ALX4: variants seen among roughly 807,000 people sequenced by gnomAD.
ALX4 encodes ALX homeobox 4.
A neutral mutation model predicts 40.6 loss-of-function variants in ALX4; 22 were observed. That is an observed-to-expected ratio of 0.54 (90% CI 0.39 to 0.77). The LOEUF is 0.77. Among genes scored for constraint, ALX4 ranks in the 30% least tolerant of loss-of-function variants. The pLI is 0.00. For missense variants in ALX4, 556 were observed against 564.8 expected, an observed-to-expected ratio of 0.98 and a Z score of 0.16; for synonymous variants, 266 against 240.5, an observed-to-expected ratio of 1.11 and a Z score of -0.98.
intron 1 of ALX4, among the ~76,000 whole-genome samples, chr11:44,279,676 C>T (rs141609497): frequency 1.3e-3 from 199 of 152,318 alleles, no homozygotes; most frequent in African/African-American, 4.5e-3. Flanking sequence ...TCCAGCTGAC[C>T]TCCAAGATCC....
intron 1 of ALX4, among the ~76,000 whole-genome samples, chr11:44,284,466 A>G (rs1452832144): frequency 6.6e-6 from 1 of 152,204 alleles, no homozygotes; most frequent in Non-Finnish European, 1.5e-5. Flanking sequence ...CACAAGAAAT[A>G]CTTTTATCCT....
intron 1 of ALX4, among the ~76,000 whole-genome samples, chr11:44,289,893 G>A (rs988586311): frequency 1.3e-5 from 2 of 152,040 alleles, no homozygotes; most frequent in Non-Finnish European, 2.9e-5. Flanking sequence ...CCCTGTCCCC[G>A]GCAGGACCCA....
chr11:44,281,690 C>T (rs1379223476), intron 1 of ALX4, among the ~76,000 whole-genome samples: 2 of 151,928 alleles, frequency 1.3e-5, no homozygotes, highest in Non-Finnish European at 1.5e-5. Context: ...GGGGTGAGGG[C>T]GGAGGTTAAA....
intron 1 of ALX4, among the ~76,000 whole-genome samples, chr11:44,278,886 C>T (rs143919429): frequency 1.6e-3 from 251 of 152,246 alleles, no homozygotes; most frequent in African/African-American, 5.7e-3. Flanking sequence ...TTCAGGGGAG[C>T]GCTGCTCCTG....
At chr11:44,293,287 T>G (rs1956383407) in intron 1 of ALX4, among the ~76,000 whole-genome samples, 2 of 152,096 alleles carry the variant, frequency 1.3e-5, no homozygotes, top group Admixed American at 1.3e-4. Context: ...TTCTTTAAAA[T>G]GCATGATGTG....
chr11:44,266,464 G>A (rs1024989447), intron 3 of ALX4, among the ~76,000 whole-genome samples: 3 of 152,222 alleles, frequency 2.0e-5, no homozygotes, highest in Non-Finnish European at 2.9e-5. Context: ...CCAGGCCTGT[G>A]CCCTGCCCTC....
At chr11:44,289,570 A>G (rs747928392) in intron 1 of ALX4, among the ~76,000 whole-genome samples, 3 of 152,176 alleles carry the variant, frequency 2.0e-5, no homozygotes, top group Non-Finnish European at 2.9e-5. Context: ...CAAGGTGGTG[A>G]TGAGTTATCT....
chr11:44,284,824 T>C (rs777082164), intron 1 of ALX4, among the ~76,000 whole-genome samples: 1 of 152,210 alleles, frequency 6.6e-6, no homozygotes, highest in Non-Finnish European at 1.5e-5. Flanking sequence ...TTTTGTGACT[T>C]TTCTTTCGCA....
chr11:44,287,375 G>T (rs930230067), intron 1 of ALX4, among the ~76,000 whole-genome samples: 1 of 152,082 alleles, frequency 6.6e-6, no homozygotes, highest in African/African-American at 2.4e-5. Context: ...TATGCCACCA[G>T]TAGGGTTCCA....
At chr11:44,298,846 C>T (rs1956418784) in intron 1 of ALX4, among the ~76,000 whole-genome samples, 1 of 152,014 alleles carries the variant, frequency 6.6e-6, no homozygotes, top group Admixed American at 6.6e-5. Flanking sequence ...AACGACAAAG[C>T]AGGCTCTCAC....
chr11:44,310,019 G>C lies in ALX4; in HGVS notation c.44C>G (p.Ala15Gly), dbSNP rs766486576. Residue 15 changes from alanine to glycine, a missense_variant, in exon 1 of 4, where the codon GCT becomes GGT. Coordinates refer to ENST00000652299, the MANE Select transcript of ALX4 (RefSeq NM_021926.4). ...TCVSYCESPA[A>G]AMDAYYSPVS... ...CGGGCTGTAGTAGGCGTCCATGGCA[G>C]CGGCCGGCGACTCGCAGTAAGAGAC... 2 of 1,602,962 alleles carry C rather than the reference G, an allele frequency of 1.2e-6. No homozygotes were observed. Among genetic ancestry groups the C allele is most frequent in the African/African-American group, 2.7e-5 (2 of 74,904 alleles).
chr11:44,281,742 C>G (rs1205808355), intron 1 of ALX4, among the ~76,000 whole-genome samples: 3 of 152,178 alleles, frequency 2.0e-5, no homozygotes, highest in African/African-American at 7.2e-5. Context: ...TCATCTGACA[C>G]TGGGGTCTGT....
rs1281789868 is a variant in ALX4, at chr11:44,261,760, C to T, written c.*3094G>A. The T allele has an allele frequency of 1.3e-5, 2 of 152,248 alleles. No homozygotes were observed. The highest frequency in any genetic ancestry group is 4.8e-5 in the African/African-American group (2 of 41,454). The allele number at this position is 152,248 out of a possible 1,614,324, so 9.4% of individuals were successfully genotyped here. ...TACCCACGACTTTATTTTTAAGTTG[C>T]CATCTCTGTTGAGATCTTAGGCAGG... On this transcript the variant is annotated 3_prime_UTR_variant, in exon 4 of 4. Coordinates refer to ENST00000652299, the MANE Select transcript of ALX4 (RefSeq NM_021926.4).
At chr11:44,271,314 G>A (rs59444875) in intron 2 of ALX4, among the ~76,000 whole-genome samples, 2,353 of 152,332 alleles carry the variant, frequency 0.015, 61 homozygotes, top group African/African-American at 0.054. Flanking sequence ...ACTAGGCTGC[G>A]ACTCAGGAGT....
chr11:44,308,580 G>A (rs1303521891), intron 1 of ALX4, among the ~76,000 whole-genome samples: 1 of 152,272 alleles, frequency 6.6e-6, no homozygotes. Flanking sequence ...TCTGGAAGAA[G>A]AGAAGGCCTA....
chr11:44,306,326 CG>C (rs1956468170), intron 1 of ALX4, among the ~76,000 whole-genome samples: 1 of 152,352 alleles, frequency 6.6e-6, no homozygotes, highest in Admixed American at 6.5e-5. Context: ...TTCCGCAACC[CG>C]GTCCAGACCC....
Position 44,264,867 on chromosome 11 carries a change from G to C in ALX4, c.1223C>G (p.Ser408Cys). 2 of 1,612,902 alleles carry C rather than the reference G, an allele frequency of 1.2e-6. No individual in the cohort carries two copies. The highest frequency in any genetic ancestry group is 1.7e-6 in the Non-Finnish European group (2 of 1,179,932). Residue 408 changes from serine (S) to cysteine (C), a missense_variant, in exon 4 of 4, where the codon TCC becomes TGC. Ser to Cys is a moderately radical substitution (Grantham distance 112, BLOSUM62 -1). Coordinates refer to ENST00000652299, the MANE Select transcript of ALX4 (RefSeq NM_021926.4). ...MKAKEHSAAI[S>C]WAT ...AGGGGTGCCCTGTCATGTGGCCCAGGAAATGGCCGCACTGTGCTCCTTGGC... is the reference window on the plus strand; with the variant it reads ...AGGGGTGCCCTGTCATGTGGCCCAGCAAATGGCCGCACTGTGCTCCTTGGC...
chr11:44,275,041 T>C (rs10769027), intron 2 of ALX4, among the ~76,000 whole-genome samples: 143,097 of 152,246 alleles, frequency 0.94, 67,402 homozygotes, highest in East Asian at 1. Flanking sequence ...CCAGGACTCT[T>C]ACACTGTGTA....
At chr11:44,296,547 G>A (rs1480092019) in intron 1 of ALX4, among the ~76,000 whole-genome samples, 2 of 152,136 alleles carry the variant, frequency 1.3e-5, no homozygotes, top group Non-Finnish European at 2.9e-5. Context: ...AGAAATATTC[G>A]CAAATCATGT....
Sources: gnomAD v4.1 joint callset for allele counts (sites outside exome capture counted in the v4.1 genomes callset) on GRCh38, gnomAD v4.1.1 for gene constraint, MANE v1.5 for transcripts, NCBI Gene and HGNC (gene_info 2026-07-23, HGNC 2026-07-21) for gene names.